Variants in DEFB119 observed in about 807,000 individuals in gnomAD.
DEFB119 encodes defensin beta 119, also known as beta-defensin 119.
In DEFB119, 3 loss-of-function variants were observed where a neutral mutation model predicts 2.5. That is an observed-to-expected ratio of 1.19 (90% confidence interval 0.54 to 3.07). The LOEUF (loss-of-function observed/expected upper bound fraction) is 3.07. Among genes scored for constraint, DEFB119 ranks in the 30% most tolerant of loss-of-function variants. DEFB119 has a pLI of 0.03. For missense variants in DEFB119, 113 were observed against 101.1 expected, an observed-to-expected ratio of 1.12 and a Z score of -0.50; for synonymous variants, 29 against 33.7, an observed-to-expected ratio of 0.86 and a Z score of 0.48.
intron 1 of DEFB119, among the ~76,000 whole-genome samples, 165 bp downstream of exon 1, chr20:31,390,258 C>CA (rs1387958280): frequency 2.0e-5 from 3 of 151,688 alleles, no homozygotes; most frequent in Non-Finnish European, 4.4e-5. Context: ...ACCACTCTGG[C>CA]AAAAAAGAAT....
intron 1 of DEFB119, among the ~76,000 whole-genome samples, chr20:31,382,675 C>T (rs1255604269): frequency 6.6e-6 from 1 of 152,236 alleles, no homozygotes; most frequent in African/African-American, 2.4e-5. Flanking sequence ...AACCTGGAGT[C>T]AGCCTTTTGT....
intron 1 of DEFB119, among the ~76,000 whole-genome samples, chr20:31,384,781 T>C: frequency 6.6e-6 from 1 of 152,234 alleles, no homozygotes; most frequent in East Asian, 1.9e-4. Flanking sequence ...AAAAATTTTT[T>C]CTAATGTTCA....
intron 1 of DEFB119, among the ~76,000 whole-genome samples, chr20:31,382,777 G>T (rs1360750274): frequency 6.6e-6 from 1 of 152,204 alleles, no homozygotes; most frequent in African/African-American, 2.4e-5. Context: ...CCAGCACTGG[G>T]CTTAACATCA....
intron 1 of DEFB119, among the ~76,000 whole-genome samples, chr20:31,383,355 C>T (rs745345789): frequency 8.6e-5 from 13 of 150,984 alleles, no homozygotes; most frequent in Non-Finnish European, 1.6e-4. Context: ...CAAGCCTGGC[C>T]AACATGGTGA....
intron 1 of DEFB119, among the ~76,000 whole-genome samples, chr20:31,382,691 C>A (rs536300186): frequency 6.6e-6 from 1 of 152,300 alleles, no homozygotes; most frequent in South Asian, 2.1e-4. Flanking sequence ...TTTGTGCCCC[C>A]ACCAGATCCA....
chr20:31,382,845 T>C (rs183707540), intron 1 of DEFB119, among the ~76,000 whole-genome samples: 1 of 152,332 alleles, frequency 6.6e-6, no homozygotes, highest in Non-Finnish European at 1.5e-5. Context: ...ACCTAATATG[T>C]GTGTGTTTGG....
intron 1 of DEFB119, among the ~76,000 whole-genome samples, chr20:31,378,681 C>T (rs1238851936): frequency 6.6e-6 from 1 of 152,014 alleles, no homozygotes; most frequent in African/African-American, 2.4e-5. Flanking sequence ...GTTTCCAGGT[C>T]TATTAGGAGT....
chr20:31,386,785 G>A (rs141791137), intron 1 of DEFB119, among the ~76,000 whole-genome samples: 293 of 148,072 alleles, frequency 2.0e-3, no homozygotes, highest in Non-Finnish European at 3.4e-3. Flanking sequence ...CATTTATTGC[G>A]TATTTTCTTT....
chr20:31,381,343 T>G (rs1357088026), intron 1 of DEFB119, among the ~76,000 whole-genome samples: 2 of 152,282 alleles, frequency 1.3e-5, no homozygotes, highest in Non-Finnish European at 2.9e-5. Context: ...TTTGTAGATT[T>G]CTTAGGATTT....
At chr20:31,390,146 C>T (rs1167582765) in intron 1 of DEFB119, among the ~76,000 whole-genome samples, 2 of 152,018 alleles carry the variant, frequency 1.3e-5, no homozygotes, top group Non-Finnish European at 2.9e-5. Context: ...TCAACAAGTC[C>T]CCAACCTGCA....
chr20:31,378,507 C>A, intron 1 of DEFB119: 1 of 1,485,456 alleles, frequency 6.7e-7, no homozygotes, highest in Non-Finnish European at 9.1e-7. Flanking sequence ...TACTGAGAAC[C>A]AGGAAAATCT....
rs1370688047 is a variant in DEFB119, at chr20:31,377,206, C to T, written c.*40G>A. ...TTAATGAGGGGGGTTGACAGCAGGT[C>T]TCTGTGCCCAGAGAGCTTGAGAATG... On this transcript the variant is annotated 3_prime_UTR_variant, in exon 2 of 2. Coordinates refer to ENST00000376321, the MANE Select transcript of DEFB119 (RefSeq NM_153289.4). 6.4e-7 allele frequency: 1 copy of T among 1,557,038 alleles called. No homozygotes were observed. Among genetic ancestry groups the T allele is most frequent in the Non-Finnish European group, 8.7e-7 (1 of 1,151,064 alleles).
At chr20:31,387,675 G>A (rs1243734973) in intron 1 of DEFB119, among the ~76,000 whole-genome samples, 1 of 152,096 alleles carries the variant, frequency 6.6e-6, no homozygotes, top group Admixed American at 6.6e-5. Flanking sequence ...CCTAGGGGTC[G>A]GCACCCAGTG....
At chr20:31,390,301 G>A (rs117457030) in intron 1 of DEFB119, 122 bp downstream of exon 1, 47,281 of 929,176 alleles carry the variant, frequency 0.051, 1,523 homozygotes, top group Middle Eastern at 0.13. Context: ...ATGATCCTGG[G>A]CAAACCTCCC....
chr20:31,378,481 C>CAAAAAAAAAA, intron 1 of DEFB119: 1 of 1,569,070 alleles, frequency 6.4e-7, no homozygotes, highest in Non-Finnish European at 8.7e-7. Context: ...CGCGTTCCAG[C>CAAAAAAAAAA]AAAAATTACT....
At chr20:31,385,081 A>G (rs1986644170) in intron 1 of DEFB119, among the ~76,000 whole-genome samples, 2 of 152,216 alleles carry the variant, frequency 1.3e-5, no homozygotes, top group Admixed American at 1.3e-4. Context: ...TCTGCCTTAG[A>G]CCCCAGGAAT....
At chr20:31,384,498 GAAGA>G (rs1203469496) in intron 1 of DEFB119, among the ~76,000 whole-genome samples, 1 of 151,948 alleles carries the variant, frequency 6.6e-6, no homozygotes, top group Non-Finnish European at 1.5e-5. Flanking sequence ...TAAACTATAA[GAAGA>G]AAGAAAAGAG....
Position 31,377,320 on chromosome 20 carries a change from T to C in DEFB119, c.181A>G (p.Met61Val), listed in dbSNP as rs143695145. 2.0e-4 allele frequency: 322 copies of C among 1,613,996 alleles called. No individual in the cohort carries two copies. The highest frequency in any genetic ancestry group is 2.7e-4 in the Non-Finnish European group (314 of 1,179,996). The stretch of plus-strand genomic sequence containing the variant: ...TCTTTGCCAGAAATGCTTATCCTCA[T>C]GTAGGACTGGAGGCAGCAGGACTGA... Reference protein sequence around the residue: ...NCQSCCLQSYMRISISGKEEN... With the variant: ...NCQSCCLQSYVRISISGKEEN... Residue 61 changes from methionine (M) to valine (V), a missense_variant, in exon 2 of 2, where the codon ATG becomes GTG. Physicochemically the swap from Met to Val is conservative, Grantham distance 21. Coordinates refer to ENST00000376321, the MANE Select transcript of DEFB119 (RefSeq NM_153289.4).
At chr20:31,383,828 G>A (rs868395321) in intron 1 of DEFB119, among the ~76,000 whole-genome samples, 7 of 151,840 alleles carry the variant, frequency 4.6e-5, no homozygotes, top group African/African-American at 1.7e-4. Flanking sequence ...GGGCGACAGA[G>A]CAAGACTCTG....
Sources: allele counts gnomAD v4.1 joint callset (sites outside exome capture counted in the v4.1 genomes callset), GRCh38; gene constraint gnomAD v4.1.1; transcripts MANE v1.5; gene names NCBI Gene and HGNC (gene_info 2026-07-23, HGNC 2026-07-21).